HDAC11: variants seen among roughly 807,000 people sequenced by gnomAD.
HDAC11 encodes histone deacetylase 11.
A neutral mutation model predicts 41.1 loss-of-function variants in HDAC11; 23 were observed. The observed-to-expected ratio is 0.56, with a 90% CI of 0.40 to 0.79. The LOEUF (loss-of-function observed/expected upper bound fraction) is 0.79. Ranked by LOEUF, HDAC11 falls within the 30% of genes least tolerant of loss-of-function variation. The pLI is 0.00. For missense variants in HDAC11, 402 were observed against 477.3 expected, an observed-to-expected ratio of 0.84 and a Z score of 1.47; for synonymous variants, 187 against 186.6, an observed-to-expected ratio of 1.00 and a Z score of -0.02.
rs1454739585 is a variant in HDAC11, at chr3:13,500,762, C to T, written c.462C>T (p.Ala154=). ...CSSDRGGGFC[A]YADITLAIKF... ...GCGACCGTGGCGGGGGCTTCTGTGCCTATGCGGACATCACGCTCGCCATCA... is the reference window on the plus strand; with the variant it reads ...GCGACCGTGGCGGGGGCTTCTGTGCTTATGCGGACATCACGCTCGCCATCA... Residue 154 remains alanine, a synonymous_variant, in exon 6 of 10, where the codon GCC becomes GCT. Transcript: ENST00000295757. 2.5e-6 allele frequency: 4 copies of T among 1,584,964 alleles called. No homozygotes were observed. In the South Asian group the frequency reaches 4.6e-5, roughly 18 times the overall value.
At chr3:13,503,071 C>A in intron 8 of HDAC11, 91 bp downstream of exon 8, 1 of 911,926 alleles carries the variant, frequency 1.1e-6, no homozygotes, top group Non-Finnish European at 1.8e-6. Flanking sequence ...CCTGCAGAAG[C>A]CACTGCAGTG....
intron 4 of HDAC11, among the ~76,000 whole-genome samples, chr3:13,498,018 G>T (rs546824064): frequency 1.3e-5 from 2 of 152,008 alleles, no homozygotes; most frequent in Admixed American, 1.3e-4. Context: ...ACTCTGCCTG[G>T]CTAATTTTTG....
chr3:13,502,256 C>T lies in HDAC11; in HGVS notation c.552+323C>T. 3.1e-6 allele frequency: 1 copy of T among 322,042 alleles called. No individual in the cohort carries two copies. The highest frequency in any genetic ancestry group is 5.7e-5 in the East Asian group (1 of 17,514). 19.9% of individuals were successfully genotyped at this position (322,042 alleles called of 1,614,324 possible). ...TGCTTATGAATAATTTGGGGCACTG[C>T]CCCCTGCCCAGAGCTGCTGAGCACT... On this transcript the variant is annotated intron_variant, in intron 7 of 9. Coordinates refer to ENST00000295757, the MANE Select transcript of HDAC11 (RefSeq NM_024827.4). The surrounding 1 kb of genome is among the most constrained non-coding windows in gnomAD (Gnocchi z 4.1).
intron 3 of HDAC11, among the ~76,000 whole-genome samples, chr3:13,493,482 T>C (rs1159784815): frequency 6.6e-6 from 1 of 152,268 alleles, no homozygotes; most frequent in Non-Finnish European, 1.5e-5. Flanking sequence ...CAGTCGCCAC[T>C]GGCCGCATGT....
intron 4 of HDAC11, 124 bp from the exon 5 acceptor site, chr3:13,498,389 C>A: frequency 2.5e-6 from 3 of 1,215,608 alleles, no homozygotes; most frequent in Non-Finnish European, 3.6e-6. Flanking sequence ...TGCCTTGTAG[C>A]TCAGCTCATC....
In HDAC11 at chr3:13,505,454, G is replaced by A. The variant is rs1702577126; in HGVS notation, c.*771G>A. 1 of 153,158 alleles carries A rather than the reference G, an allele frequency of 6.5e-6. No homozygotes were observed. The highest frequency in any genetic ancestry group is 1.5e-5 in the Non-Finnish European group (1 of 68,820). The allele number at this position is 153,158 out of a possible 1,614,324, so 9.5% of individuals were successfully genotyped here. ...CAGGTTTTGGGGGGAGGAATTCTTA[G>A]CGCAAGGACGGGCCTCAGCCCTGTC... On this transcript the variant is annotated 3_prime_UTR_variant, in exon 10 of 10. Coordinates refer to ENST00000295757, the MANE Select transcript of HDAC11 (RefSeq NM_024827.4).
At chr3:13,484,478 G>A (rs911427247) in intron 3 of HDAC11, among the ~76,000 whole-genome samples, 6 of 152,190 alleles carry the variant, frequency 3.9e-5, no homozygotes, top group African/African-American at 1.4e-4. Flanking sequence ...CATGGCCAGA[G>A]CACCTGGTCT....
At position 13,481,322 on chromosome 3, in the gene HDAC11, A is replaced by G. The variant is rs1475453748; in HGVS notation, c.79A>G (p.Thr27Ala). 1 of 1,613,722 alleles carries G rather than the reference A, an allele frequency of 6.2e-7. No homozygotes were observed. Among genetic ancestry groups the G allele is most frequent in the East Asian group, 2.2e-5 (1 of 44,872 alleles). The change falls in exon 2 of 10, where the codon ACC (threonine) becomes GCC (alanine). Residue 27 changes from threonine (T) to alanine (A), a missense_variant. Coordinates refer to ENST00000295757, the MANE Select transcript of HDAC11 (RefSeq NM_024827.4). Reference sequence around the variant, plus strand: ...CGTGTACTCGCCGCGCTACAACATCACCTTCATGGGCCTGGAGAAGCTGCA... The same window carrying G: ...CGTGTACTCGCCGCGCTACAACATCGCCTTCATGGGCCTGGAGAAGCTGCA... ...PIVYSPRYNI[T>A]FMGLEKLHPF...
intron 1 of HDAC11, 109 bp from the exon 2 acceptor site, chr3:13,481,137 G>T (rs1362215515): frequency 1.7e-6 from 2 of 1,179,624 alleles, no homozygotes; most frequent in Non-Finnish European, 2.3e-6. Context: ...CGGCTGAGGG[G>T]CTAGTGGTGC....
At position 13,483,575 on chromosome 3, in the gene HDAC11, T is replaced by TCGGGCCTGGGGGGCTG. The variant is rs750745858; in HGVS notation, c.252+23_252+38dup. Reference sequence around the variant, plus strand: ...CTTAATGAGCTCAAGGTACAGGATGTCGGGCCTGGGGGGCTGCGGGCCTGG... The same window carrying TCGGGCCTGGGGGGCTG: ...CTTAATGAGCTCAAGGTACAGGATGTCGGGCCTGGGGGGCTGCGGGCCTGGGGGGCTGCGGGCCTGG... On this transcript the variant is annotated intron_variant, in intron 3 of 9. Transcript: ENST00000295757. 1 of 1,515,156 alleles carries TCGGGCCTGGGGGGCTG rather than the reference T, an allele frequency of 6.6e-7. No individual in the cohort carries two copies. The highest frequency in any genetic ancestry group is 9.1e-7 in the Non-Finnish European group (1 of 1,098,662). The allele number at this position is 1,515,156 out of a possible 1,614,324, so 93.9% of individuals were successfully genotyped here. A position where few individuals can be genotyped will look rare whatever the true frequency, so the allele number is the denominator to read the frequency against.
rs1208760639 is a variant in HDAC11 at position 13,504,022 on chromosome 3, G to C, written c.650-72G>C. 1.2e-5 allele frequency: 17 copies of C among 1,406,592 alleles called. No individual in the cohort carries two copies. In the Admixed American group the frequency reaches 2.3e-4, roughly 19 times the overall value. 87.1% of individuals were successfully genotyped at this position (1,406,592 alleles called of 1,614,324 possible). A position where few individuals can be genotyped will look rare whatever the true frequency, so the allele number is the denominator to read the frequency against. Reference sequence around the variant, plus strand: ...ACAGACCAGTTTCCAGTCTTGCCTGGTGTCCACAGTCTTGTCCTGAGCCTC... The same window carrying C: ...ACAGACCAGTTTCCAGTCTTGCCTGCTGTCCACAGTCTTGTCCTGAGCCTC... On this transcript the variant is annotated intron_variant, in intron 8 of 9. Transcript: ENST00000295757.
intron 3 of HDAC11, among the ~76,000 whole-genome samples, chr3:13,493,265 C>CCTGCCACCTCCTCT (rs1344641449): frequency 6.6e-6 from 1 of 152,194 alleles, no homozygotes; most frequent in African/African-American, 2.4e-5. Flanking sequence ...GCTCCTCCTA[C>CCTGCCACCTCCTCT]CTGCCACCTC....
Position 13,504,833 on chromosome 3 carries a change from A to G in HDAC11, c.*150A>G. 1 of 707,480 alleles carries G rather than the reference A, an allele frequency of 1.4e-6. No individual in the cohort carries two copies. The allele number at this position is 707,480 out of a possible 1,614,324, so 43.8% of individuals were successfully genotyped here. A position where few individuals can be genotyped will look rare whatever the true frequency, so the allele number is the denominator to read the frequency against. On this transcript the variant is annotated 3_prime_UTR_variant, in exon 10 of 10. Coordinates refer to ENST00000295757, the MANE Select transcript of HDAC11 (RefSeq NM_024827.4). ...GGGGCCTGGAGCTGGCCCTTCCTCTACTTTTCCCTGCTGGAAGCCAGAAGG... is the reference window on the plus strand; with the variant it reads ...GGGGCCTGGAGCTGGCCCTTCCTCTGCTTTTCCCTGCTGGAAGCCAGAAGG...
rs927220081 is a variant in HDAC11, at chr3:13,502,030, G to A, written c.552+97G>A. ...AGAGTCTCCCTCCTCATGTCCCCAC[G>A]GCTCTCACGGCTTCTGTCTTCTGTC... On this transcript the variant is annotated intron_variant, in intron 7 of 9. Coordinates refer to ENST00000295757, the MANE Select transcript of HDAC11 (RefSeq NM_024827.4). The surrounding 1 kb of genome is among the most constrained non-coding windows in gnomAD (Gnocchi z 4.1). 3.4e-5 allele frequency: 31 copies of A among 912,562 alleles called. No homozygotes were observed. Among genetic ancestry groups the A allele is most frequent in the African/African-American group, 4.9e-5 (3 of 61,304 alleles). 56.5% of individuals were successfully genotyped at this position (912,562 alleles called of 1,614,324 possible).
In HDAC11 at chr3:13,483,540, G is replaced by A. The variant is rs761119054; in HGVS notation, c.228G>A (p.Thr76=). ...ASEEDLLVVH[T]RRYLNELKWS... Reference sequence around the variant, plus strand: ...AGGAGGACCTGCTGGTGGTGCACACGAGGCGCTATCTTAATGAGCTCAAGG... The same window carrying A: ...AGGAGGACCTGCTGGTGGTGCACACAAGGCGCTATCTTAATGAGCTCAAGG... The change falls in exon 3 of 10, where the codon ACG becomes ACA. Residue 76 remains threonine (T), a synonymous_variant. Coordinates refer to ENST00000295757, the MANE Select transcript of HDAC11 (RefSeq NM_024827.4). 11 of 1,613,888 alleles carry A rather than the reference G, an allele frequency of 6.8e-6. No homozygotes were observed. The highest frequency in any genetic ancestry group is 6.6e-5 in the South Asian group (6 of 91,082).
At chr3:13,490,537 A>G (rs182372636) in intron 3 of HDAC11, among the ~76,000 whole-genome samples, 27 of 152,214 alleles carry the variant, frequency 1.8e-4, no homozygotes, top group Admixed American at 1.6e-3. Flanking sequence ...GTAGCTTTCA[A>G]TGGACAAATC....
At chr3:13,501,173 C>T (rs1044036684) in intron 6 of HDAC11, among the ~76,000 whole-genome samples, 2 of 152,174 alleles carry the variant, frequency 1.3e-5, no homozygotes, top group Admixed American at 6.5e-5. Context: ...CTCCAACCCG[C>T]GCTGTGCTCC....
At position 13,504,756 on chromosome 3, in the gene HDAC11, G is replaced by T. The variant is rs1451937882; in HGVS notation, c.*73G>T. On this transcript the variant is annotated 3_prime_UTR_variant, in exon 10 of 10. Coordinates refer to ENST00000295757, the MANE Select transcript of HDAC11 (RefSeq NM_024827.4). ...TGCTTTTTGTTTTCTAACCTCATGG[G>T]GTGGTGGAGGCAGCCTTCAGTGAGC... 3 of 1,335,418 alleles carry T rather than the reference G, an allele frequency of 2.2e-6. No individual in the cohort carries two copies. The highest frequency in any genetic ancestry group is 1.8e-5 in the Admixed American group (1 of 55,850). 82.7% of individuals were successfully genotyped at this position (1,335,418 alleles called of 1,614,324 possible). A position where few individuals can be genotyped will look rare whatever the true frequency, so the allele number is the denominator to read the frequency against.
rs755575681 is a variant in HDAC11, at chr3:13,504,249, G to A, written c.805G>A (p.Gly269Arg). 2 of 1,613,450 alleles carry A rather than the reference G, an allele frequency of 1.2e-6. No homozygotes were observed. The highest frequency in any genetic ancestry group is 1.7e-6 in the Non-Finnish European group (2 of 1,180,006). ...CGACATCCTCGAGGGGGACCGCCTT[G>A]GGGGGCTGTCCATCAGCCCAGCGGT... ...GTDILEGDRL[G>R]GLSISPAGIV... Residue 269 changes from glycine (G) to arginine (R), a missense_variant, in exon 9 of 10, where the codon GGG (glycine) becomes AGG (arginine). Coordinates refer to ENST00000295757, the MANE Select transcript of HDAC11 (RefSeq NM_024827.4).
Sources: allele counts gnomAD v4.1 joint callset (sites outside exome capture counted in the v4.1 genomes callset), GRCh38; gene constraint gnomAD v4.1.1; non-coding constraint Gnocchi (gnomAD v3.1); transcripts MANE v1.5; gene names NCBI Gene and HGNC (gene_info 2026-07-23, HGNC 2026-07-21).